Variants in ADRA1B observed in about 807,000 individuals in gnomAD.
ADRA1B encodes adrenoceptor alpha 1B.
Under a neutral mutation model 17.9 loss-of-function variants are expected in ADRA1B, and 17 were observed. The ratio of observed to expected loss-of-function variants is 0.95; its 90% CI spans 0.65 to 1.42. The LOEUF (loss-of-function observed/expected upper bound fraction) is 1.42. Among genes scored for constraint, ADRA1B ranks in the 40% most tolerant of loss-of-function variants. ADRA1B has a pLI of 0.00. For missense variants in ADRA1B, 681 were observed against 722.1 expected (o/e 0.94, Z 0.65); for synonymous variants, 366 against 327.6 (o/e 1.12, Z -1.27).
chr5:159,973,168 T>G (rs1755919870), downstream of ADRA1B, among the ~76,000 whole-genome samples: 1 of 152,210 alleles, frequency 6.6e-6, no homozygotes, highest in Non-Finnish European at 1.5e-5. Flanking sequence ...TCACCACGTC[T>G]TGAGGACAAT....
At chr5:159,937,394 A>T (rs1754985250) in intron 1 of ADRA1B, among the ~76,000 whole-genome samples, 1 of 152,034 alleles carries the variant, frequency 6.6e-6, no homozygotes, top group Non-Finnish European at 1.5e-5. Flanking sequence ...GAACCAGGAT[A>T]TGTGAATCTC....
At chr5:159,875,627 C>T (rs1753793750) in intron 1 of ADRA1B, among the ~76,000 whole-genome samples, 1 of 152,186 alleles carries the variant, frequency 6.6e-6, no homozygotes, top group African/African-American at 2.4e-5. Flanking sequence ...GATAGGATTC[C>T]TGCACAGCCA....
At chr5:159,977,807 C>A (rs147908073), downstream of ADRA1B, among the ~76,000 whole-genome samples, 110 of 152,214 alleles carry the variant, frequency 7.2e-4, 2 homozygotes, top group East Asian at 0.016. Context: ...TCCTACCATC[C>A]CAGTTTGCTA....
intron 1 of ADRA1B, among the ~76,000 whole-genome samples, chr5:159,923,412 G>A (rs1754545961): frequency 6.6e-6 from 1 of 152,264 alleles, no homozygotes; most frequent in Non-Finnish European, 1.5e-5. Context: ...AGGGGCAGTG[G>A]AGGTGGAGAA....
intron 1 of ADRA1B, among the ~76,000 whole-genome samples, chr5:159,939,335 G>GCGCA (rs1369737666): frequency 9.0e-4 from 105 of 116,478 alleles, no homozygotes; most frequent in Middle Eastern, 4.5e-3. Context: ...GCGCGCGCGC[G>GCGCA]CACACAATGC....
Position 159,972,008 on chromosome 5 carries a change from T to C in ADRA1B, c.1079T>C (p.Val360Ala). Residue 360 changes from valine (V) to alanine (A), a missense_variant, in exon 2 of 2, where the codon GTG becomes GCG. This residue lies in a region of ADRA1B where 424 missense variants were observed against 480.2 expected (regional missense o/e 0.88). Coordinates refer to ENST00000306675, the MANE Select transcript of ADRA1B (RefSeq NM_000679.4). ...CSSKEFKRAFVRILGCQCRGR... is the reference protein window; with the variant it reads ...CSSKEFKRAFARILGCQCRGR... Reference sequence around the variant, plus strand: ...AGCAAGGAGTTCAAGCGCGCTTTCGTGCGCATCCTCGGGTGCCAGTGCCGC... The same window carrying C: ...AGCAAGGAGTTCAAGCGCGCTTTCGCGCGCATCCTCGGGTGCCAGTGCCGC... The C allele has an allele frequency of 7.5e-7, 1 of 1,336,918 alleles. No homozygotes were observed. The highest frequency in any genetic ancestry group is 9.8e-7 in the Non-Finnish European group (1 of 1,021,842). The allele number at this position is 1,336,918 out of a possible 1,614,324, so 82.8% of individuals were successfully genotyped here.
At chr5:159,936,308 T>C (rs112844708) in intron 1 of ADRA1B, among the ~76,000 whole-genome samples, 9 of 152,346 alleles carry the variant, frequency 5.9e-5, no homozygotes, top group African/African-American at 2.2e-4. Flanking sequence ...TCTGTCACTT[T>C]ATAAGGGCTC....
chr5:159,968,641 C>A (rs1755816012), intron 1 of ADRA1B, among the ~76,000 whole-genome samples: 1 of 152,138 alleles, frequency 6.6e-6, no homozygotes, highest in South Asian at 2.1e-4. Context: ...CCATCCTGGG[C>A]CCTGTGTGTC....
At chr5:159,885,363 C>G (rs971312895) in intron 1 of ADRA1B, among the ~76,000 whole-genome samples, 1 of 152,184 alleles carries the variant, frequency 6.6e-6, no homozygotes, top group African/African-American at 2.4e-5. Flanking sequence ...GCCCCCAACT[C>G]CAGGGTGAGT....
intron 1 of ADRA1B, chr5:159,947,751 G>C (rs1755316743): frequency 6.1e-6 from 6 of 985,430 alleles, no homozygotes; most frequent in Middle Eastern, 5.2e-4. Context: ...GGAAAGAAAT[G>C]AATGAGCACA....
At chr5:159,979,594 C>T in the ADRA1B span, among the ~76,000 whole-genome samples, 105 of 152,208 alleles carry the variant, frequency 6.9e-4, no homozygotes, top group African/African-American at 2.3e-3. Flanking sequence ...GCTGGCTGGG[C>T]ATGGTGGCTC....
At chr5:159,936,112 G>A (rs929072445) in intron 1 of ADRA1B, among the ~76,000 whole-genome samples, 4 of 152,220 alleles carry the variant, frequency 2.6e-5, no homozygotes, top group African/African-American at 9.6e-5. Context: ...TTTTTCCCCA[G>A]GGGACGTTTA....
chr5:159,917,328 C>A lies in ADRA1B; in HGVS notation c.423C>A (p.Ile141=), dbSNP rs753953995. Reference sequence around the variant, plus strand: ...TTCTGAGCCTGTGCGCCATCTCCATCGATCGCTACATCGGGGTGCGCTACT... The same window carrying A: ...TTCTGAGCCTGTGCGCCATCTCCATAGATCGCTACATCGGGGTGCGCTACT... ...ASILSLCAIS[I]DRYIGVRYSL... is the part of the protein sequence containing the mutation. Residue 141 remains isoleucine (I), a synonymous_variant, in exon 1 of 2, where the codon ATC becomes ATA. Transcript: ENST00000306675. 3.1e-6 allele frequency: 5 copies of A among 1,614,062 alleles called. No homozygotes were observed. The highest frequency in any genetic ancestry group is 4.2e-6 in the Non-Finnish European group (5 of 1,180,022).
At chr5:159,977,259 A>T (rs1042867297), downstream of ADRA1B, among the ~76,000 whole-genome samples, 6 of 152,234 alleles carry the variant, frequency 3.9e-5, no homozygotes, top group African/African-American at 1.4e-4. Flanking sequence ...AGAAGAAGCC[A>T]GAGAGAACAT....
chr5:159,903,454 T>C lies in ADRA1B; in HGVS notation c.-255-12665T>C, dbSNP rs574783273. Among the ~76,000 whole-genome samples, 3 of 152,342 alleles carry C rather than the reference T, an allele frequency of 2.0e-5. No individual in the cohort carries two copies. In the South Asian group the frequency reaches 6.2e-4, roughly 32 times the overall value. On this transcript the variant is annotated intron_variant, in intron 1 of 2. Transcript: ENST00000641205. Reference sequence around the variant, plus strand: ...GTAAATTTAACTACTATTTTTGTTATTAGTAGGAGTAGTGGTATATTATCC... The same window carrying C: ...GTAAATTTAACTACTATTTTTGTTACTAGTAGGAGTAGTGGTATATTATCC...
chr5:159,928,184 G>A (rs1005713672), intron 1 of ADRA1B, among the ~76,000 whole-genome samples: 2 of 152,130 alleles, frequency 1.3e-5, no homozygotes. Context: ...AATAAGATTT[G>A]GGGGAGGAAA....
rs1210567434 is a variant in ADRA1B, at chr5:159,953,893, G to GA, written c.950-17976dup. 2.9e-4 allele frequency among the ~76,000 whole-genome samples: 43 copies of GA among 145,938 alleles called. 1 individual carries two copies. In the Middle Eastern group the frequency reaches 0.024, roughly 83 times the overall value. ...ATTTATCTATGTGAAAAGAGCTGGT[G>GA]AAAAAAAAAAGAAAGAAAATGAAAG... On this transcript the variant is annotated intron_variant, in intron 1 of 1. Transcript: ENST00000306675.
At chr5:159,963,627 G>C (rs1755719956) in intron 1 of ADRA1B, among the ~76,000 whole-genome samples, 2 of 152,184 alleles carry the variant, frequency 1.3e-5, no homozygotes, top group African/African-American at 4.8e-5. Flanking sequence ...GCCCAACAGT[G>C]GTTAAGCACT....
Position 159,917,139 on chromosome 5 carries a change from G to A in ADRA1B, c.234G>A (p.Thr78=). The A allele has an allele frequency of 1.9e-6, 3 of 1,614,086 alleles. No individual in the cohort carries two copies. The highest frequency in any genetic ancestry group is 2.5e-6 in the Non-Finnish European group (3 of 1,180,014). Residue 78 remains threonine (T), a synonymous_variant, in exon 1 of 2, where the codon ACG becomes ACA. Transcript: ENST00000306675. The part of the protein sequence containing the change: ...LSVACNRHLR[T]PTNYFIVNLA... Reference sequence around the variant, plus strand: ...TGGCCTGCAACCGGCACCTGCGGACGCCCACCAACTACTTCATTGTCAACC... The same window carrying A: ...TGGCCTGCAACCGGCACCTGCGGACACCCACCAACTACTTCATTGTCAACC...
Sources: allele counts gnomAD v4.1 joint callset (sites outside exome capture counted in the v4.1 genomes callset), GRCh38; gene constraint gnomAD v4.1.1; regional missense constraint gnomAD v4.1.1; transcripts MANE v1.5; gene names NCBI Gene and HGNC (gene_info 2026-07-23, HGNC 2026-07-21).